The following PCDHGB4 variants were observed in gnomAD, a reference collection of about 807,000 sequenced individuals.
PCDHGB4 encodes protocadherin gamma subfamily B, 4.
A neutral mutation model predicts 60.5 loss-of-function variants in PCDHGB4; 38 were observed. The observed-to-expected ratio is 0.63, with a 90% confidence interval of 0.48 to 0.82. The LOEUF (loss-of-function observed/expected upper bound fraction) is 0.82. PCDHGB4 is among the 40% of genes least tolerant of loss of function. The probability of loss-of-function intolerance (pLI) is 0.00; values close to 1 mark genes in which losing one functional copy is unlikely to be tolerated. For synonymous variants in PCDHGB4, 456 were observed against 509.7 expected (o/e 0.89, Z 1.42); for missense variants, 1,109 against 1,209.6 (o/e 0.92, Z 1.23).
In PCDHGB4 at chr5:141,485,076, G is replaced by A; in HGVS notation, c.2398-9731G>A. 2.1e-6 allele frequency: 2 copies of A among 944,586 alleles called. No homozygotes were observed. Among genetic ancestry groups the A allele is most frequent in the East Asian group, 2.4e-5 (1 of 41,508 alleles). The allele number at this position is 944,586 out of a possible 1,614,324, so 58.5% of individuals were successfully genotyped here. ...CCGAACCGCGCCAGAGCTGGCGCGG[G>A]GAAAGGGAGATAGGTGTCTCCAGCT... On this transcript the variant is annotated intron_variant, in intron 1 of 3. Coordinates refer to ENST00000519479, the MANE Select transcript of PCDHGB4 (RefSeq NM_003736.4). This position sits in a 1 kb window ranked among gnomAD's most constrained non-coding sequence, Gnocchi z 5.7.
At chr5:141,457,532 T>C (rs2098923599) in intron 1 of PCDHGB4, among the ~76,000 whole-genome samples, 1 of 152,058 alleles carries the variant, frequency 6.6e-6, no homozygotes, top group Admixed American at 6.6e-5. Flanking sequence ...GAGACTAGGG[T>C]TTAATGACAA....
intron 1 of PCDHGB4, among the ~76,000 whole-genome samples, chr5:141,483,057 C>T (rs1329609397): frequency 6.6e-6 from 1 of 152,028 alleles, no homozygotes; most frequent in African/African-American, 2.4e-5. Flanking sequence ...TGCACTCCAG[C>T]ATGGGCAACA....
In PCDHGB4 at chr5:141,474,958, C is replaced by T. The variant is rs114469479; in HGVS notation, c.2398-19849C>T. On this transcript the variant is annotated intron_variant, in intron 1 of 3. Transcript: ENST00000519479. ...CACAGTGGACTCTTTTATTCACTAT[C>T]CTAATCATTATAATTTTGTTTGGTG... is the stretch of plus-strand genomic sequence containing the variant. Among the ~76,000 whole-genome samples the T allele has an allele frequency of 4.4e-3, 666 of 152,340 alleles. 6 individuals are homozygous for T. The highest frequency in any genetic ancestry group is 0.015 in the African/African-American group (634 of 41,572).
intron 1 of PCDHGB4, among the ~76,000 whole-genome samples, chr5:141,452,145 C>T (rs1414317332): frequency 6.6e-6 from 1 of 152,020 alleles, no homozygotes; most frequent in Non-Finnish European, 1.5e-5. Flanking sequence ...GTGTTTTTTC[C>T]AATGAGTTAT....
At chr5:141,437,659 C>T (rs1006268414) in intron 1 of PCDHGB4, among the ~76,000 whole-genome samples, 10 of 151,870 alleles carry the variant, frequency 6.6e-5, no homozygotes, top group East Asian at 3.9e-4. Context: ...CACATAGTTT[C>T]GAAGAGATGT....
At position 141,388,934 on chromosome 5, in the gene PCDHGB4, A is replaced by G. The variant is rs1225337103; in HGVS notation, c.1050A>G (p.Leu350=). 3 of 1,613,896 alleles carry G rather than the reference A, an allele frequency of 1.9e-6. No individual in the cohort carries two copies. The highest frequency in any genetic ancestry group is 2.5e-6 in the Non-Finnish European group (3 of 1,179,886). The change falls in exon 1 of 4, where the codon CTA becomes CTG. Residue 350 remains leucine (L), a synonymous_variant. Coordinates refer to ENST00000519479, the MANE Select transcript of PCDHGB4 (RefSeq NM_003736.4). ...DNAPEVIFQS[L]PNLIMEDAEL... ...CCCCAGAAGTGATATTCCAGTCTCT[A>G]CCCAACCTAATTATGGAGGACGCCG...
At chr5:141,441,073 G>A (rs1591647632) in intron 1 of PCDHGB4, 1 of 152,152 alleles carries the variant, frequency 6.6e-6, no homozygotes, top group Non-Finnish European at 1.5e-5. Flanking sequence ...AATTTCCATG[G>A]TTTTGGTAGC....
At chr5:141,480,240 CAAA>C (rs11374694) in intron 1 of PCDHGB4, among the ~76,000 whole-genome samples, 1 of 114,046 alleles carries the variant, frequency 8.8e-6, no homozygotes, top group African/African-American at 3.3e-5. Flanking sequence ...CCTGTCTCTA[CAAA>C]AAAAAAAAAA....
intron 1 of PCDHGB4, chr5:141,424,664 A>G (rs923488035): frequency 1.3e-5 from 2 of 152,124 alleles, no homozygotes; most frequent in African/African-American, 4.8e-5. Context: ...CTTTAATTAA[A>G]CTGATTTAGC....
At chr5:141,458,081 G>A (rs765008628) in intron 1 of PCDHGB4, among the ~76,000 whole-genome samples, 62 of 152,186 alleles carry the variant, frequency 4.1e-4, no homozygotes, top group East Asian at 1.9e-4. Flanking sequence ...CTATATTGCC[G>A]TAAGTTAAGA....
intron 2 of PCDHGB4, among the ~76,000 whole-genome samples, chr5:141,503,638 T>C (rs1467962880): frequency 1.3e-5 from 2 of 151,908 alleles, no homozygotes; most frequent in Non-Finnish European, 2.9e-5. Flanking sequence ...AAATAATTAT[T>C]GAATCAATGG....
intron 1 of PCDHGB4, chr5:141,405,556 C>T: frequency 1.6e-6 from 1 of 619,826 alleles, no homozygotes; most frequent in East Asian, 2.7e-5. Context: ...AGTAGAGTAG[C>T]TGGGACTAGA....
chr5:141,473,260 G>T (rs2099318007), intron 1 of PCDHGB4, among the ~76,000 whole-genome samples: 1 of 152,148 alleles, frequency 6.6e-6, no homozygotes, highest in South Asian at 2.1e-4. Flanking sequence ...ATAGTCCTTA[G>T]TGTATGCTAT....
At chr5:141,430,817 C>T (rs200369093) in intron 1 of PCDHGB4, 2 of 1,539,796 alleles carry the variant, frequency 1.3e-6, no homozygotes, top group Non-Finnish European at 1.7e-6. Flanking sequence ...GGGAATCCTC[C>T]TGGGGACTCT....
Position 141,423,157 on chromosome 5 carries a change from G to C in PCDHGB4, c.2397+32876G>C, listed in dbSNP as rs527921011. The C allele has an allele frequency of 7.4e-6, 12 of 1,610,820 alleles. No homozygotes were observed. The South Asian group carries it at 1.2e-4, about 16-fold the overall frequency. ...CAGAGACGCGCTCAAGCAGAGCCTC[G>C]TGGTGGCCGTCCAGGACCACGGCCA... On this transcript the variant is annotated intron_variant, in intron 1 of 3. Coordinates refer to ENST00000519479, the MANE Select transcript of PCDHGB4 (RefSeq NM_003736.4).
At position 141,476,753 on chromosome 5, in the gene PCDHGB4, G is replaced by C; in HGVS notation, c.2398-18054G>C. On this transcript the variant is annotated intron_variant, in intron 1 of 3. Coordinates refer to ENST00000519479, the MANE Select transcript of PCDHGB4 (RefSeq NM_003736.4). This position sits in a 1 kb window ranked among gnomAD's most constrained non-coding sequence, Gnocchi z 7.6. Reference sequence around the variant, plus strand: ...AGAACGGGAGCCTAGTCTCCAGTTAGTGCTGACGGCGTTGGACGGAGGGAC... The same window carrying C: ...AGAACGGGAGCCTAGTCTCCAGTTACTGCTGACGGCGTTGGACGGAGGGAC... 3.1e-6 allele frequency: 5 copies of C among 1,614,012 alleles called. No individual in the cohort carries two copies. The highest frequency in any genetic ancestry group is 4.2e-6 in the Non-Finnish European group (5 of 1,180,030).
chr5:141,427,556 C>A (rs1022143090), intron 1 of PCDHGB4: 7 of 649,144 alleles, frequency 1.1e-5, no homozygotes, highest in African/African-American at 1.1e-4. Flanking sequence ...CTGCCACTGA[C>A]AAGGGCAAGC....
chr5:141,400,051 G>T, intron 1 of PCDHGB4: 1 of 1,613,762 alleles, frequency 6.2e-7, no homozygotes. Context: ...GCTGGTTGCT[G>T]TGCGTGATGG....
At chr5:141,408,894 C>A (rs778126197) in intron 1 of PCDHGB4, 1 of 1,613,304 alleles carries the variant, frequency 6.2e-7, no homozygotes, top group East Asian at 2.2e-5. Flanking sequence ...ATAGAAATTT[C>A]TGTCAAGGAT....
Sources: allele counts gnomAD v4.1 joint callset (sites outside exome capture counted in the v4.1 genomes callset), GRCh38; gene constraint gnomAD v4.1.1; non-coding constraint Gnocchi (gnomAD v3.1); transcripts MANE v1.5; gene names NCBI Gene and HGNC (gene_info 2026-07-23, HGNC 2026-07-21).